ZNF577: variants seen among roughly 807,000 people sequenced by gnomAD.
ZNF577 encodes zinc finger protein 577.
A neutral mutation model predicts 13.9 loss-of-function variants in ZNF577; 14 were observed. The ratio of observed to expected loss-of-function variants is 1.00; its 90% CI spans 0.66 to 1.57. The LOEUF is 1.57. Among genes scored for constraint, ZNF577 ranks in the 40% most tolerant of loss-of-function variants. The pLI is 0.00. For missense variants in ZNF577, 555 were observed against 579.2 expected (o/e 0.96, Z 0.43); for synonymous variants, 203 against 202.9 (o/e 1.00, Z 0.00).
chr19:51,847,965 C>CTG (rs1468515267), intron 5 of ZNF577, among the ~76,000 whole-genome samples: 2 of 152,188 alleles, frequency 1.3e-5, no homozygotes, highest in South Asian at 4.1e-4. Flanking sequence ...CCGGTCCCAC[C>CTG]AGGAATGATC....
Position 51,813,337 on chromosome 19 carries a change from TG to T in ZNF577, c.*600-1664del, listed in dbSNP as rs565601832. 3.6e-4 allele frequency among the ~76,000 whole-genome samples: 55 copies of T among 152,180 alleles called. No homozygotes were observed. In the South Asian group the frequency reaches 4.6e-3, roughly 13 times the overall value. ...TCTTATAAGGCACTCATCCTACCTA[TG>T]AGGGCAGAACAATCATAATTGAAAA... On this transcript the variant is annotated intron_variant and NMD_transcript_variant, in intron 9 of 10. Transcript: ENST00000638827.
chr19:51,873,647 C>CAT lies in ZNF577; in HGVS notation c.341_342dup (p.Gly115MetfsTer83). ...CGCTTGATATGGAGGCATGATCTCC[C>CAT]ATATCCACCAAATGCATCAGAATCT... On this transcript the variant is annotated frameshift_variant, in exon 6 of 6. Coordinates refer to ENST00000638348, the MANE Select transcript of ZNF577 (RefSeq NM_001370449.1). LOFTEE classifies it low-confidence loss of function (END_TRUNC). 6.2e-7 allele frequency: 1 copy of CAT among 1,614,066 alleles called. No homozygotes were observed. Among genetic ancestry groups the CAT allele is most frequent in the Non-Finnish European group, 8.5e-7 (1 of 1,179,988 alleles).
intron 9 of ZNF577, among the ~76,000 whole-genome samples, chr19:51,827,806 A>G (rs191369788): frequency 6.6e-6 from 1 of 152,296 alleles, no homozygotes; most frequent in African/African-American, 2.4e-5. Flanking sequence ...AGAAATTGTC[A>G]ATTCTGTATT....
rs2084673053 is a variant in ZNF577 at position 51,872,418 on chromosome 19, A to C, written c.*114T>G. 1.2e-6 allele frequency: 1 copy of C among 854,216 alleles called. No homozygotes were observed. The highest frequency in any genetic ancestry group is 1.7e-5 in the African/African-American group (1 of 58,208). 52.9% of individuals were successfully genotyped at this position (854,216 alleles called of 1,614,324 possible). A position where few individuals can be genotyped will look rare whatever the true frequency, so the allele number is the denominator to read the frequency against. Reference sequence around the variant, plus strand: ...TTAACAGGTTTGACTTCTCACAGAAATGTCCTCCACAACCACTGCCTCCAC... The same window carrying C: ...TTAACAGGTTTGACTTCTCACAGAACTGTCCTCCACAACCACTGCCTCCAC... On this transcript the variant is annotated 3_prime_UTR_variant, in exon 6 of 6. Coordinates refer to ENST00000638348, the MANE Select transcript of ZNF577 (RefSeq NM_001370449.1).
chr19:51,834,242 T>C (rs1291789989), intron 9 of ZNF577, among the ~76,000 whole-genome samples: 1 of 152,114 alleles, frequency 6.6e-6, no homozygotes, highest in Non-Finnish European at 1.5e-5. Flanking sequence ...GCAGCCACAC[T>C]CCTTTTATTT....
chr19:51,850,974 G>C (rs148259826), intron 5 of ZNF577, among the ~76,000 whole-genome samples: 1 of 152,130 alleles, frequency 6.6e-6, no homozygotes, highest in Non-Finnish European at 1.5e-5. Flanking sequence ...TTTTACTTTT[G>C]TTTAGGATAA....
chr19:51,861,111 CTCTTTTT>C, intron 5 of ZNF577: 12 of 232,168 alleles, frequency 5.2e-5, no homozygotes, highest in South Asian at 1.2e-4. Context: ...AATTGACTCT[CTCTTTTT>C]TTTTTTTTTT....
intron 10 of ZNF577, among the ~76,000 whole-genome samples, chr19:51,807,575 T>C (rs2084068701): frequency 6.6e-6 from 1 of 152,268 alleles, no homozygotes; most frequent in South Asian, 2.1e-4. Flanking sequence ...GAGATCCTTA[T>C]TGTTTGAGTA....
intron 8 of ZNF577, among the ~76,000 whole-genome samples, chr19:51,842,125 AG>A (rs2084324566): frequency 6.6e-6 from 1 of 152,204 alleles, no homozygotes; most frequent in African/African-American, 2.4e-5. Context: ...TAGGAGGTGA[AG>A]GGTGGTTGTA....
intron 5 of ZNF577, among the ~76,000 whole-genome samples, chr19:51,876,708 A>G (rs1270700559): frequency 6.6e-6 from 1 of 152,084 alleles, no homozygotes; most frequent in East Asian, 1.9e-4. Context: ...TGGGTGGTTC[A>G]TGAGGTCAGG....
At chr19:51,822,811 C>A (rs2084200358) in intron 9 of ZNF577, among the ~76,000 whole-genome samples, 1 of 152,076 alleles carries the variant, frequency 6.6e-6, no homozygotes, top group Admixed American at 6.6e-5. Context: ...ATATAGGGCC[C>A]TCTTTGTTGA....
chr19:51,850,184 G>A (rs6509575), intron 5 of ZNF577, among the ~76,000 whole-genome samples: 58,996 of 151,968 alleles, frequency 0.39, 12,814 homozygotes, highest in African/African-American at 0.58. Flanking sequence ...TGACCTCTAA[G>A]CCTCTGAAAT....
At chr19:51,810,135 T>C (rs1452028778) in intron 10 of ZNF577, among the ~76,000 whole-genome samples, 1 of 152,220 alleles carries the variant, frequency 6.6e-6, no homozygotes, top group Non-Finnish European at 1.5e-5. Context: ...TTTCCCACTT[T>C]AGGGTTTGAC....
chr19:51,847,933 G>C (rs2084361449), intron 5 of ZNF577, among the ~76,000 whole-genome samples: 1 of 152,268 alleles, frequency 6.6e-6, no homozygotes, highest in Admixed American at 6.5e-5. Flanking sequence ...GGAAGGCCAG[G>C]ATCCATCTAC....
At chr19:51,829,596 G>A (rs1382967791) in intron 9 of ZNF577, among the ~76,000 whole-genome samples, 7 of 152,044 alleles carry the variant, frequency 4.6e-5, no homozygotes, top group Non-Finnish European at 1.0e-4. Flanking sequence ...CATCCTGACC[G>A]ATCTCCTACA....
intron 9 of ZNF577, among the ~76,000 whole-genome samples, chr19:51,819,206 T>C (rs938352292): frequency 1.3e-5 from 2 of 152,172 alleles, no homozygotes; most frequent in African/African-American, 2.4e-5. Flanking sequence ...AGCAACAGTT[T>C]AGTTTGGGCA....
chr19:51,824,556 G>C lies in ZNF577; in HGVS notation c.*600-12882C>G, dbSNP rs2084217691. 1 of 1,614,172 alleles carries C rather than the reference G, an allele frequency of 6.2e-7. No individual in the cohort carries two copies. Among genetic ancestry groups the C allele is most frequent in the Admixed American group, 1.7e-5 (1 of 60,026 alleles). On this transcript the variant is annotated intron_variant and NMD_transcript_variant, in intron 9 of 10. Coordinates refer to the ZNF577 transcript ENST00000638827. The surrounding 1 kb of genome is among the most constrained non-coding windows in gnomAD (Gnocchi z 4.7). ...CATTCTAATGGCAGTCTGGCTCAAA[G>C]AGATGTTGTTAAATGGCAAATACAA...
intron 5 of ZNF577, among the ~76,000 whole-genome samples, chr19:51,851,860 C>T (rs1410688660): frequency 1.3e-5 from 2 of 152,188 alleles, no homozygotes; most frequent in Non-Finnish European, 2.9e-5. Flanking sequence ...TTCTTGTAAA[C>T]ACAATGATGT....
intron 10 of ZNF577, chr19:51,805,298 T>C (rs1328310977): frequency 6.6e-6 from 1 of 152,188 alleles, no homozygotes; most frequent in Non-Finnish European, 1.5e-5. Flanking sequence ...CTCCAAGAAC[T>C]ACATATAAGA....
Sources: gnomAD v4.1 joint callset for allele counts (sites outside exome capture counted in the v4.1 genomes callset) on GRCh38, gnomAD v4.1.1 for gene constraint, Gnocchi (gnomAD v3.1) non-coding constraint, MANE v1.5 for transcripts, NCBI Gene and HGNC (gene_info 2026-07-23, HGNC 2026-07-21) for gene names.